LPP: variants seen among roughly 807,000 people sequenced by gnomAD.
The protein encoded by LPP is LIM domain containing preferred translocation partner in lipoma.
A neutral mutation model predicts 60.4 loss-of-function variants in LPP; 38 were observed. The ratio of observed to expected loss-of-function variants is 0.63; its 90% CI spans 0.49 to 0.83. The LOEUF is 0.83. Ranked by LOEUF, LPP falls within the 40% of genes least tolerant of loss-of-function variation. The pLI is 0.00. For synonymous variants in LPP, 328 were observed against 290.8 expected (o/e 1.13, Z -1.30); for missense variants, 902 against 783.6 (o/e 1.15, Z -1.80).
chr3:188,416,988 A>G (rs1178568145), intron 4 of LPP, among the ~76,000 whole-genome samples: 2 of 152,144 alleles, frequency 1.3e-5, no homozygotes, highest in Non-Finnish European at 2.9e-5. Flanking sequence ...ACCCTAGAAT[A>G]ACGATTAACC....
chr3:188,808,012 G>A (rs13325253), intron 9 of LPP, among the ~76,000 whole-genome samples: 8,551 of 152,050 alleles, frequency 0.056, 261 homozygotes, highest in African/African-American at 0.07. Context: ...TCTTTTGTTA[G>A]GCCTTTAGTG....
Position 188,882,989 on chromosome 3 carries a change from A to G in LPP, c.*8510A>G. 2 of 191,144 alleles carry G rather than the reference A, an allele frequency of 1.0e-5. No individual in the cohort carries two copies. The highest frequency in any genetic ancestry group is 1.1e-5 in the Non-Finnish European group (1 of 91,282). The allele number at this position is 191,144 out of a possible 1,614,324, so 11.8% of individuals were successfully genotyped here. On this transcript the variant is annotated 3_prime_UTR_variant, in exon 12 of 12. Transcript: ENST00000617246. ...GTGATCCGCCCGCCTCGGCCTCCCA[A>G]AGTGCCAATTCTGACTCTACTTAAA... is the stretch of plus-strand genomic sequence containing the variant.
chr3:188,475,204 A>C (rs142925048), intron 4 of LPP, among the ~76,000 whole-genome samples: 1 of 152,332 alleles, frequency 6.6e-6, no homozygotes, highest in Non-Finnish European at 1.5e-5. Flanking sequence ...ATATGGAGTG[A>C]AACTGTCCAA....
chr3:188,347,772 G>C lies in LPP; in HGVS notation c.-10+6053G>C, dbSNP rs142988865. Among the ~76,000 whole-genome samples, 236 of 152,260 alleles carry C rather than the reference G, an allele frequency of 1.5e-3. 1 individual carries two copies. Among genetic ancestry groups the C allele is most frequent in the African/African-American group, 5.4e-3 (226 of 41,546 alleles). Reference sequence around the variant, plus strand: ...ATGACCCACTGTGAGTGTGTGGGGGGGCCAGAAGAGTGAAAGGCAGGTCAG... The same window carrying C: ...ATGACCCACTGTGAGTGTGTGGGGGCGCCAGAAGAGTGAAAGGCAGGTCAG... On this transcript the variant is annotated intron_variant, in intron 3 of 11. Coordinates refer to ENST00000617246, the MANE Select transcript of LPP (RefSeq NM_001375462.1).
At chr3:188,411,303 C>T (rs965952329) in intron 4 of LPP, among the ~76,000 whole-genome samples, 6 of 152,082 alleles carry the variant, frequency 3.9e-5, no homozygotes, top group Admixed American at 3.9e-4. Flanking sequence ...GACACTTTTA[C>T]ACTGTTGGTG....
chr3:188,303,265 A>T (rs55671511), intron 2 of LPP, among the ~76,000 whole-genome samples: 8,703 of 152,256 alleles, frequency 0.057, 573 homozygotes, highest in East Asian at 0.26. Flanking sequence ...ATAAACTTTT[A>T]TTCACAAAAA....
chr3:188,421,257 T>G (rs1157649170), intron 4 of LPP, among the ~76,000 whole-genome samples: 1 of 152,218 alleles, frequency 6.6e-6, no homozygotes, highest in African/African-American at 2.4e-5. Context: ...CTGCTTCTAT[T>G]ACTGCAGTCT....
intron 2 of LPP, among the ~76,000 whole-genome samples, chr3:188,278,125 A>T (rs1740638178): frequency 6.6e-6 from 1 of 152,076 alleles, no homozygotes; most frequent in African/African-American, 2.4e-5. Flanking sequence ...TCTATTGTTC[A>T]TTTCATTTAA....
At chr3:188,390,954 G>T (rs1779549075) in intron 3 of LPP, among the ~76,000 whole-genome samples, 1 of 152,178 alleles carries the variant, frequency 6.6e-6, no homozygotes, top group Non-Finnish European at 1.5e-5. Flanking sequence ...GGCTGCCACA[G>T]AATACTTCGG....
intron 8 of LPP, among the ~76,000 whole-genome samples, chr3:188,728,245 G>T (rs973706914): frequency 1.3e-5 from 2 of 152,116 alleles, no homozygotes; most frequent in Admixed American, 1.3e-4. Flanking sequence ...AACAAAAAAA[G>T]TTGACAATTA....
At chr3:188,687,978 C>T (rs903201900) in intron 7 of LPP, among the ~76,000 whole-genome samples, 1 of 151,966 alleles carries the variant, frequency 6.6e-6, no homozygotes, top group Non-Finnish European at 1.5e-5. Context: ...GGTTTCACCA[C>T]GTTATCTTAT....
In LPP at chr3:188,639,337, C is replaced by A. The variant is rs1374472088; in HGVS notation, c.1113+29493C>A. ...TATGTAGAAAGCTGAAACTGGATCC[C>A]TTCCTTACACCTTATACAAAAATCA... On this transcript the variant is annotated intron_variant, in intron 7 of 11. Transcript: ENST00000617246. Among the ~76,000 whole-genome samples the A allele has an allele frequency of 1.0e-4, 15 of 149,482 alleles. No homozygotes were observed. The East Asian group carries it at 2.8e-3, about 27-fold the overall frequency.
rs575208991 is a variant in LPP, at chr3:188,183,222, C to T, written c.-190+28970C>T. On this transcript the variant is annotated intron_variant, in intron 1 of 11. Coordinates refer to ENST00000617246, the MANE Select transcript of LPP (RefSeq NM_001375462.1). ...CTGGGAGTGTAGAAAACAGGCACCA[C>T]GTCCTGGAGTATCCTTTCCATTCCC... 9.8e-5 allele frequency among the ~76,000 whole-genome samples: 15 copies of T among 152,292 alleles called. No homozygotes were observed. In the East Asian group the frequency reaches 1.9e-3, roughly 20 times the overall value.
Position 188,878,246 on chromosome 3 carries a change from CT to C in LPP, c.*3768del, listed in dbSNP as rs973141747. On this transcript the variant is annotated 3_prime_UTR_variant, in exon 12 of 12. Transcript: ENST00000617246. ...TTGTCAAATCTGTGTCGGCTGCCCC[CT>C]GATCCTTCCATTATCAAGTTTTGAA... is the stretch of plus-strand genomic sequence containing the variant. The C allele has an allele frequency of 7.8e-5, 17 of 219,010 alleles. No homozygotes were observed. Among genetic ancestry groups the C allele is most frequent in the African/African-American group, 2.9e-4 (13 of 44,506 alleles). 13.6% of individuals were successfully genotyped at this position (219,010 alleles called of 1,614,324 possible). A position where few individuals can be genotyped will look rare whatever the true frequency, so the allele number is the denominator to read the frequency against.
chr3:188,240,558 G>C (rs907688782), intron 2 of LPP, among the ~76,000 whole-genome samples: 1 of 152,254 alleles, frequency 6.6e-6, no homozygotes, highest in Admixed American at 6.5e-5. Flanking sequence ...GTAGTTGAGA[G>C]CTTTATTCAA....
At chr3:188,645,540 T>C (rs1850952313) in intron 7 of LPP, among the ~76,000 whole-genome samples, 1 of 152,150 alleles carries the variant, frequency 6.6e-6, no homozygotes, top group South Asian at 2.1e-4. Context: ...GTCTCGTGCA[T>C]GGAGTACAAG....
chr3:188,263,372 T>A, intron 2 of LPP, among the ~76,000 whole-genome samples: 1 of 152,244 alleles, frequency 6.6e-6, no homozygotes. Context: ...TCATCTTCCC[T>A]AAATCCAACC....
At chr3:188,735,956 A>G (rs1453359126) in intron 8 of LPP, among the ~76,000 whole-genome samples, 2 of 152,236 alleles carry the variant, frequency 1.3e-5, no homozygotes, top group Non-Finnish European at 2.9e-5. Context: ...TGAATTAATT[A>G]GAAGAATGAG....
intron 6 of LPP, among the ~76,000 whole-genome samples, chr3:188,575,069 C>A (rs568556869): frequency 4.3e-4 from 65 of 152,106 alleles, no homozygotes; most frequent in Middle Eastern, 6.8e-3. Context: ...CCTTAATTTG[C>A]GGCCTGAAAA....
Sources: allele counts gnomAD v4.1 joint callset (sites outside exome capture counted in the v4.1 genomes callset), GRCh38; gene constraint gnomAD v4.1.1; transcripts MANE v1.5; gene names NCBI Gene and HGNC (gene_info 2026-07-23, HGNC 2026-07-21).